Variants in GLI3 observed in about 807,000 individuals in gnomAD.
GLI3 encodes the protein transcription activator GLI3.
In GLI3, 20 loss-of-function variants were observed where a neutral mutation model predicts 100.8. The ratio of observed to expected loss-of-function variants is 0.20; its 90% CI spans 0.14 to 0.29. The LOEUF (loss-of-function observed/expected upper bound fraction) is 0.29. Among genes scored for constraint, GLI3 ranks in the 10% least tolerant of loss-of-function variants. The pLI, the probability that GLI3 is intolerant of heterozygous loss-of-function variation, is 1.00. For missense variants in GLI3, 2,040 were observed against 2,128.5 expected (o/e 0.96, Z 0.82); for synonymous variants, 938 against 860.5 (o/e 1.09, Z -1.58).
chr7:42,046,348 TAA>T (rs1484546406), intron 5 of GLI3, among the ~76,000 whole-genome samples: 3 of 152,210 alleles, frequency 2.0e-5, no homozygotes, highest in African/African-American at 7.2e-5. Flanking sequence ...ATTCAATCAA[TAA>T]AAGTTTTACG....
chr7:42,209,966 A>G (rs911314908), intron 2 of GLI3, among the ~76,000 whole-genome samples: 12 of 142,512 alleles, frequency 8.4e-5, no homozygotes, highest in Non-Finnish European at 1.7e-4. Context: ...ATGCTGGGTC[A>G]TACATCTCTT....
intron 2 of GLI3, among the ~76,000 whole-genome samples, chr7:42,149,750 T>C (rs1786811573): frequency 6.6e-6 from 1 of 152,246 alleles, no homozygotes; most frequent in Admixed American, 6.5e-5. Flanking sequence ...TATTCTCATA[T>C]ACAAATTTAT....
At chr7:42,020,639 G>C (rs1482844113) in intron 10 of GLI3, among the ~76,000 whole-genome samples, 1 of 152,202 alleles carries the variant, frequency 6.6e-6, no homozygotes, top group Non-Finnish European at 1.5e-5. Context: ...TCTCTCCAAG[G>C]AAAGTCACAG....
chr7:42,074,854 A>AT (rs1472441063), intron 4 of GLI3, among the ~76,000 whole-genome samples: 1 of 152,192 alleles, frequency 6.6e-6, no homozygotes, highest in East Asian at 1.9e-4. Flanking sequence ...ATAATTATAC[A>AT]TTTAGGCTGC....
rs1034262625 is a variant in GLI3, at chr7:41,966,949, C to T, written c.2432-308G>A. On this transcript the variant is annotated intron_variant, in intron 14 of 14. Transcript: ENST00000395925. This position sits in a 1 kb window ranked among gnomAD's most constrained non-coding sequence, Gnocchi z 5.8. ...TTAAACAAAACAATAACAACTCCCTCGATTCACTGAAGCCCCTCCCCAAGC... is the reference window on the plus strand; with the variant it reads ...TTAAACAAAACAATAACAACTCCCTTGATTCACTGAAGCCCCTCCCCAAGC... Among the ~76,000 whole-genome samples the T allele has an allele frequency of 1.3e-5, 2 of 152,168 alleles. No homozygotes were observed. Among genetic ancestry groups the T allele is most frequent in the Non-Finnish European group, 2.9e-5 (2 of 68,024 alleles).
At chr7:42,043,178 C>T (rs191738743) in intron 6 of GLI3, among the ~76,000 whole-genome samples, 9 of 152,280 alleles carry the variant, frequency 5.9e-5, no homozygotes, top group African/African-American at 2.2e-4. Flanking sequence ...ATTAATGTTT[C>T]GCTTCTTTGT....
At chr7:42,247,452 AC>A (rs1451145918) in intron 1 of GLI3, among the ~76,000 whole-genome samples, 3 of 152,214 alleles carry the variant, frequency 2.0e-5, no homozygotes, top group African/African-American at 7.2e-5. Flanking sequence ...GTATTGAGAG[AC>A]AGCAATTCTT....
At chr7:41,975,421 G>A (rs7794242) in intron 12 of GLI3, among the ~76,000 whole-genome samples, 13,307 of 152,200 alleles carry the variant, frequency 0.087, 670 homozygotes, top group African/African-American at 0.12. Context: ...GTTTTGATGC[G>A]TCTGAAAATG....
chr7:42,163,008 C>T (rs924500887), intron 2 of GLI3, among the ~76,000 whole-genome samples: 27 of 102,518 alleles, frequency 2.6e-4, no homozygotes, highest in African/African-American at 8.4e-4. Flanking sequence ...TTCAACCTAT[C>T]TTCAAATCTA....
chr7:42,224,860 C>T (rs1788554234), intron 1 of GLI3, among the ~76,000 whole-genome samples: 1 of 152,232 alleles, frequency 6.6e-6, no homozygotes, highest in South Asian at 2.1e-4. Flanking sequence ...TCTCATCTGT[C>T]AAATGACAGA....
At chr7:42,087,002 G>A (rs907964136) in intron 3 of GLI3, among the ~76,000 whole-genome samples, 3 of 152,292 alleles carry the variant, frequency 2.0e-5, no homozygotes, top group Admixed American at 2.0e-4. Context: ...CCACAGGTCA[G>A]AACTGTCTTC....
intron 9 of GLI3, 63 bp downstream of exon 9, chr7:42,025,201 C>T: frequency 9.2e-7 from 1 of 1,085,072 alleles, no homozygotes; most frequent in Non-Finnish European, 1.4e-6. Flanking sequence ...GAAGCGGGAG[C>T]TGACCCAAAG....
chr7:42,083,350 TG>T (rs764610891), intron 3 of GLI3, among the ~76,000 whole-genome samples: 1 of 152,236 alleles, frequency 6.6e-6, no homozygotes, highest in Non-Finnish European at 1.5e-5. Context: ...CCATCCATGT[TG>T]TTGCAAATGA....
chr7:42,161,937 C>T (rs1185628385), intron 2 of GLI3, among the ~76,000 whole-genome samples: 1 of 152,160 alleles, frequency 6.6e-6, no homozygotes, highest in Non-Finnish European at 1.5e-5. Flanking sequence ...TACAAACCAG[C>T]CCAGGTTGGT....
chr7:41,971,010 G>C (rs1269168232), intron 13 of GLI3, among the ~76,000 whole-genome samples: 1 of 152,176 alleles, frequency 6.6e-6, no homozygotes, highest in Admixed American at 6.5e-5. Context: ...GCAAAGTACA[G>C]CTACCCACTG....
chr7:42,038,845 C>T (rs901240364), intron 7 of GLI3, among the ~76,000 whole-genome samples: 1 of 152,196 alleles, frequency 6.6e-6, no homozygotes, highest in African/African-American at 2.4e-5. Flanking sequence ...GGGTATCTTG[C>T]TACTGCAAAC....
At chr7:42,152,917 C>T (rs1218765457) in intron 2 of GLI3, among the ~76,000 whole-genome samples, 1 of 152,190 alleles carries the variant, frequency 6.6e-6, no homozygotes, top group Non-Finnish European at 1.5e-5. Context: ...TGCACAGCGA[C>T]TCCTCATTCA....
In GLI3 at chr7:42,223,111, T is replaced by A. The variant is rs577305759; in HGVS notation, c.124+19A>T. 6.2e-6 allele frequency: 10 copies of A among 1,613,632 alleles called. No individual in the cohort carries two copies. The East Asian group carries it at 2.0e-4, about 32-fold the overall frequency. Reference sequence around the variant, plus strand: ...AAATGACTCCAGGCTGGGCTGCTGGTAATCCCTGTGCTGCTCACCATTAGA... The same window carrying A: ...AAATGACTCCAGGCTGGGCTGCTGGAAATCCCTGTGCTGCTCACCATTAGA... On this transcript the variant is annotated intron_variant, in intron 2 of 14. Coordinates refer to ENST00000395925, the MANE Select transcript of GLI3 (RefSeq NM_000168.6).
chr7:42,092,689 C>T (rs1448701535), intron 3 of GLI3, among the ~76,000 whole-genome samples: 5 of 152,188 alleles, frequency 3.3e-5, no homozygotes, highest in East Asian at 3.9e-4. Flanking sequence ...ACAGGAGGAA[C>T]GCACCAGAGT....
Sources: gnomAD v4.1 joint callset for allele counts (sites outside exome capture counted in the v4.1 genomes callset) on GRCh38, gnomAD v4.1.1 for gene constraint, Gnocchi (gnomAD v3.1) non-coding constraint, MANE v1.5 for transcripts, NCBI Gene and HGNC (gene_info 2026-07-23, HGNC 2026-07-21) for gene names.